Variants in PTGES3L observed in about 807,000 individuals in gnomAD.
The protein encoded by PTGES3L is prostaglandin E synthase 3 like.
Under a neutral mutation model 25.0 loss-of-function variants are expected in PTGES3L, and 17 were observed. That is an observed-to-expected ratio of 0.68 (90% confidence interval 0.47 to 1.02). The LOEUF is 1.02. PTGES3L is among the 50% of genes least tolerant of loss of function. The pLI, the probability that PTGES3L is intolerant of heterozygous loss-of-function variation, is 0.00. For missense variants in PTGES3L, 202 were observed against 197.5 expected (o/e 1.02, Z -0.14); for synonymous variants, 59 against 65.7 (o/e 0.90, Z 0.50).
In PTGES3L at chr17:42,970,674, G is replaced by GCACA. The variant is rs1482998381; in HGVS notation, c.379-333_379-332insTGTG. Among the ~76,000 whole-genome samples the GCACA allele has an allele frequency of 3.9e-3, 410 of 105,694 alleles. 3 individuals carry two copies. The highest frequency in any genetic ancestry group is 0.012 in the African/African-American group (370 of 30,634). 69.3% of individuals were successfully genotyped at this position (105,694 alleles called of 152,430 possible). ...CCCATGAAGTTGTCTGGCTTAACACGCGCACACACACACACACACACACAC... is the reference window on the plus strand; with the variant it reads ...CCCATGAAGTTGTCTGGCTTAACACGCACACGCACACACACACACACACACACAC... On this transcript the variant is annotated intron_variant, in intron 5 of 6. Coordinates refer to ENST00000591916, the MANE Select transcript of PTGES3L (RefSeq NM_001261430.2).
chr17:42,969,200 G>C lies in PTGES3L; in HGVS notation c.433-14C>G, dbSNP rs7217553. The C allele has an allele frequency of 7.2e-7, 1 of 1,390,914 alleles. No homozygotes were observed. The highest frequency in any genetic ancestry group is 9.8e-7 in the Non-Finnish European group (1 of 1,025,508). The allele number at this position is 1,390,914 out of a possible 1,614,324, so 86.2% of individuals were successfully genotyped here. ...GTCAGAATCATCCTGGGGGCGGGGG[G>C]GAAAAAAGACAAAGCACCTGTAGAC... On this transcript the variant is annotated splice_polypyrimidine_tract_variant and intron_variant, in intron 6 of 6. Transcript: ENST00000591916.
chr17:42,972,996 C>T (rs1416332618), intron 4 of PTGES3L, among the ~76,000 whole-genome samples: 1 of 140,490 alleles, frequency 7.1e-6, no homozygotes, highest in African/African-American at 2.7e-5. Flanking sequence ...ATGTGAGGAG[C>T]GCCTCTGCCC....
chr17:42,971,497 A>C, intron 5 of PTGES3L, 110 bp downstream of exon 5: 2 of 1,172,072 alleles, frequency 1.7e-6, no homozygotes, highest in South Asian at 2.7e-5. Context: ...ACCTGCCTAG[A>C]GAGCTTGCAT....
intron 4 of PTGES3L, among the ~76,000 whole-genome samples, chr17:42,973,956 T>G (rs1285778833): frequency 8.3e-6 from 1 of 119,898 alleles, no homozygotes; most frequent in Non-Finnish European, 1.7e-5. Flanking sequence ...CCCTGCCAAA[T>G]CCCCCTCTGT....
chr17:42,970,674 GCGCACACACA>G (rs2049817374), intron 5 of PTGES3L, among the ~76,000 whole-genome samples: 1 of 105,604 alleles, frequency 9.5e-6, no homozygotes, highest in African/African-American at 3.3e-5. Flanking sequence ...GGCTTAACAC[GCGCACACACA>G]CACACACACA....
chr17:42,970,248 C>T (rs752750168), intron 6 of PTGES3L, 41 bp downstream of exon 6: 3 of 1,612,756 alleles, frequency 1.9e-6, no homozygotes, highest in African/African-American at 2.7e-5. Flanking sequence ...TTTTTAAGGG[C>T]TACAAAGAAA....
intron 4 of PTGES3L, among the ~76,000 whole-genome samples, chr17:42,975,746 G>A (rs887763399): frequency 2.0e-5 from 3 of 151,994 alleles, no homozygotes; most frequent in Non-Finnish European, 2.9e-5. Context: ...GGGTGATCTC[G>A]GCTGACTGCA....
intron 4 of PTGES3L, 50 bp from the exon 5 acceptor site, chr17:42,971,746 G>T (rs1439596694): frequency 6.2e-7 from 1 of 1,602,332 alleles, no homozygotes; most frequent in Admixed American, 1.7e-5. Context: ...AGGAGCAGGA[G>T]TGTGTGGGAG....
chr17:42,978,300 A>G (rs1405894169), intron 4 of PTGES3L, among the ~76,000 whole-genome samples: 1 of 151,612 alleles, frequency 6.6e-6, no homozygotes, highest in Admixed American at 6.6e-5. Context: ...CCAGCTACTC[A>G]GGAGGCTGAG....
intron 4 of PTGES3L, among the ~76,000 whole-genome samples, chr17:42,976,712 AC>A (rs2049961511): frequency 2.0e-5 from 3 of 152,180 alleles, no homozygotes; most frequent in Non-Finnish European, 4.4e-5. Context: ...AAAGATTAAA[AC>A]AAATCTGAGA....
chr17:42,970,265 G>T lies in PTGES3L; in HGVS notation c.432+24C>A. The T allele has an allele frequency of 2.5e-6, 4 of 1,613,698 alleles. No individual in the cohort carries two copies. The East Asian group carries it at 8.9e-5, about 36-fold the overall frequency. On this transcript the variant is annotated intron_variant, in intron 6 of 6. Coordinates refer to ENST00000591916, the MANE Select transcript of PTGES3L (RefSeq NM_001261430.2). ...TTTAAGGGCTACAAAGAAACTGAAG[G>T]GTTGAGGGGAAGGCTTTACTTACAT...
rs2355953 is a variant in PTGES3L, at chr17:42,969,093, C to T, written c.*55G>A. The T allele has an allele frequency of 7.1e-7, 1 of 1,415,672 alleles. No homozygotes were observed. The highest frequency in any genetic ancestry group is 9.8e-7 in the Non-Finnish European group (1 of 1,024,776). The allele number at this position is 1,415,672 out of a possible 1,614,324, so 87.7% of individuals were successfully genotyped here. ...TGACAAAGGCCTAGGCGCTAGCTTT[C>T]TAGAACAACTGGAAAATAGCCACAG... On this transcript the variant is annotated 3_prime_UTR_variant, in exon 7 of 7. Transcript: ENST00000591916.
chr17:42,980,009 A>C, intron 1 of PTGES3L, 37 bp downstream of exon 1: 1 of 1,533,256 alleles, frequency 6.5e-7, no homozygotes, highest in Non-Finnish European at 8.8e-7. Context: ...CTCCAGGGAA[A>C]AGGGCCAGGG....
At chr17:42,969,581 T>C (rs1388641709) in intron 6 of PTGES3L, among the ~76,000 whole-genome samples, 1 of 151,650 alleles carries the variant, frequency 6.6e-6, no homozygotes, top group African/African-American at 2.4e-5. Context: ...TTTGTACTTT[T>C]GGTAGAGACA....
intron 5 of PTGES3L, 62 bp downstream of exon 5, chr17:42,971,545 T>C (rs2151947749): frequency 6.3e-7 from 1 of 1,585,194 alleles, no homozygotes; most frequent in African/African-American, 1.3e-5. Flanking sequence ...TCCAGAGACA[T>C]GTGTGCAGAG....
chr17:42,970,676 GCACACACACACACACA>G (rs57542042), intron 5 of PTGES3L, among the ~76,000 whole-genome samples: 56 of 144,164 alleles, frequency 3.9e-4, no homozygotes, highest in Admixed American at 7.7e-4. Flanking sequence ...CTTAACACGC[GCACACACACACACACA>G]CACACACACA....
intron 4 of PTGES3L, among the ~76,000 whole-genome samples, chr17:42,972,655 A>G (rs375553206): frequency 0.033 from 5,055 of 151,826 alleles, 119 homozygotes; most frequent in South Asian, 0.092. Flanking sequence ...GTGCAGTGGC[A>G]TGATCTCGGC....
At position 42,971,695 on chromosome 17, in the gene PTGES3L, G is replaced by A. The variant is rs756401120; in HGVS notation, c.290C>T (p.Pro97Leu). The A allele has an allele frequency of 4.3e-6, 7 of 1,614,030 alleles. No homozygotes were observed. The South Asian group carries it at 6.6e-5, about 15-fold the overall frequency. The change falls in exon 5 of 7, where the codon CCA (proline) becomes CTA (leucine). Residue 97 changes from proline to leucine, a missense_variant and splice_region_variant. Pro to Leu is a moderately conservative substitution (Grantham distance 98). Transcript: ENST00000591916. ...WPRLTKEDIKPVWLSVDFDNW... is the reference protein window; with the variant it reads ...WPRLTKEDIKLVWLSVDFDNW... ...ATCAAAGTCCACAGACAGCCACACT[G>A]GCTGCAAGAAGAGGCACCAAGAGTC...
chr17:42,979,754 A>C lies in PTGES3L; in HGVS notation c.9-91T>G. ...GGACTACCCAGGGACCTTTGATGCCACAGTTTTTTCAAAGTGGAGCTAAAT... is the reference window on the plus strand; with the variant it reads ...GGACTACCCAGGGACCTTTGATGCCCCAGTTTTTTCAAAGTGGAGCTAAAT... On this transcript the variant is annotated intron_variant, in intron 1 of 6. Coordinates refer to ENST00000591916, the MANE Select transcript of PTGES3L (RefSeq NM_001261430.2). 7 of 1,514,426 alleles carry C rather than the reference A, an allele frequency of 4.6e-6. 1 individual carries two copies. The Admixed American group carries it at 1.4e-4, about 30-fold the overall frequency. The allele number at this position is 1,514,426 out of a possible 1,614,324, so 93.8% of individuals were successfully genotyped here.
Sources: gnomAD v4.1 joint callset for allele counts (sites outside exome capture counted in the v4.1 genomes callset) on GRCh38, gnomAD v4.1.1 for gene constraint, MANE v1.5 for transcripts, NCBI Gene and HGNC (gene_info 2026-07-23, HGNC 2026-07-21) for gene names.